Variants in RAP1GAP observed in about 807,000 individuals in gnomAD.
RAP1GAP encodes the protein rap1 GTPase-activating protein 1.
Under a neutral mutation model 87.2 loss-of-function variants are expected in RAP1GAP, and 35 were observed. The ratio of observed to expected loss-of-function variants is 0.40; its 90% CI spans 0.31 to 0.53. The LOEUF (loss-of-function observed/expected upper bound fraction) is 0.53. Among genes scored for constraint, RAP1GAP ranks in the 20% least tolerant of loss-of-function variants. The probability of loss-of-function intolerance (pLI) is 0.48; values close to 1 mark genes in which losing one functional copy is unlikely to be tolerated. For missense variants in RAP1GAP, 734 were observed against 898.9 expected (o/e 0.82, Z 2.35); for synonymous variants, 375 against 363.9 (o/e 1.03, Z -0.35).
At position 21,598,013 on chromosome 1, in the gene RAP1GAP, C is replaced by G. The variant is rs1396338880; in HGVS notation, c.1931G>C (p.Cys644Ser). ...PDAGKLGDPACPEIKIQLEAS... is the reference protein window; with the variant it reads ...PDAGKLGDPASPEIKIQLEAS... Reference sequence around the variant, plus strand: ...TTCCAGCTGGATCTTGATCTCGGGACACGCAGGGTCCCCCAACTTGCCGGC... The same window carrying G: ...TTCCAGCTGGATCTTGATCTCGGGAGACGCAGGGTCCCCCAACTTGCCGGC... The change falls in exon 23 of 25, where the codon TGT (cysteine) becomes TCT (serine). Residue 644 changes from cysteine (C) to serine (S), a missense_variant. By Grantham distance (112) the Cys-to-Ser change is moderately radical (BLOSUM62 -1). Around this residue, in one of 2 missense-constraint regions of RAP1GAP, gnomAD observed 249 missense variants for 252.7 expected, o/e 0.99. Transcript: ENST00000374765. 6.3e-7 allele frequency: 1 copy of G among 1,583,518 alleles called. No homozygotes were observed.
chr1:21,643,536 G>A (rs1181220211), intron 2 of RAP1GAP, among the ~76,000 whole-genome samples: 7 of 135,764 alleles, frequency 5.2e-5, no homozygotes, highest in Non-Finnish European at 7.6e-5. Context: ...CAGCCTGGGC[G>A]AGACAGCAAG....
rs1170980294 is a variant in RAP1GAP, at chr1:21,597,033, A to C, written c.*266T>G. ...CAGACCCCCAGTCCTGCTTCCACTG[A>C]GCAATCCCTGCCCCAGCCCAGACCC... On this transcript the variant is annotated 3_prime_UTR_variant, in exon 25 of 25. Transcript: ENST00000374765. The C allele has an allele frequency of 6.6e-6, 1 of 152,368 alleles. No individual in the cohort carries two copies. Among genetic ancestry groups the C allele is most frequent in the Non-Finnish European group, 1.5e-5 (1 of 68,260 alleles). The allele number at this position is 152,368 out of a possible 1,614,324, so 9.4% of individuals were successfully genotyped here. A position where few individuals can be genotyped will look rare whatever the true frequency, so the allele number is the denominator to read the frequency against.
intron 2 of RAP1GAP, among the ~76,000 whole-genome samples, chr1:21,648,579 A>G (rs1571306655): frequency 2.0e-5 from 3 of 152,340 alleles, no homozygotes; most frequent in South Asian, 4.1e-4. Context: ...CGTCTACTAC[A>G]GTACCCAGTG....
rs568897521 is a variant in RAP1GAP at position 21,644,789 on chromosome 1, CTACTCAGGAGG to C, written c.-113+4961_-113+4971del. ...TGGTGGCAGGCGCCTGTAATCCCAG[CTACTCAGGAGG>C]CTGAGGCAGAGAATTGCTTGAACCA... On this transcript the variant is annotated intron_variant, in intron 2 of 24. Coordinates refer to ENST00000374765, the MANE Select transcript of RAP1GAP (RefSeq NM_002885.4). Among the ~76,000 whole-genome samples the C allele has an allele frequency of 2.8e-3, 429 of 151,546 alleles. 1 individual carries two copies. The highest frequency in any genetic ancestry group is 0.01 in the Middle Eastern group (3 of 292).
chr1:21,636,731 C>T (rs2094729051), intron 2 of RAP1GAP, among the ~76,000 whole-genome samples: 1 of 151,662 alleles, frequency 6.6e-6, no homozygotes, highest in African/African-American at 2.4e-5. Context: ...CACTTGAACC[C>T]GGGAGATGGA....
intron 20 of RAP1GAP, among the ~76,000 whole-genome samples, chr1:21,600,518 C>T (rs2067261674): frequency 6.6e-6 from 1 of 152,152 alleles, no homozygotes; most frequent in Non-Finnish European, 1.5e-5. Flanking sequence ...GTACAGCAAC[C>T]GAAGTCAGCT....
intron 2 of RAP1GAP, among the ~76,000 whole-genome samples, chr1:21,626,642 G>A (rs571093151): frequency 6.6e-6 from 1 of 152,266 alleles, no homozygotes; most frequent in Middle Eastern, 3.4e-3. Context: ...TAGGCCTCCA[G>A]CCAAGCAGTG....
At chr1:21,612,936 C>T (rs2079322067) in intron 10 of RAP1GAP, 1 of 567,006 alleles carries the variant, frequency 1.8e-6, no homozygotes, top group Non-Finnish European at 3.2e-6. Flanking sequence ...TGAGGCCAGC[C>T]TCTAAGGCAG....
At chr1:21,599,683 C>T (rs1193846692) in intron 20 of RAP1GAP, 66 bp from the exon 21 acceptor site, 3 of 1,549,670 alleles carry the variant, frequency 1.9e-6, no homozygotes, top group Admixed American at 1.8e-5. Context: ...GGCCCTCACT[C>T]CCTTGCCCTC....
At chr1:21,619,946 C>T (rs1056747667) in intron 4 of RAP1GAP, 69 bp downstream of exon 4, 6 of 1,533,980 alleles carry the variant, frequency 3.9e-6, no homozygotes, top group Non-Finnish European at 5.4e-6. Flanking sequence ...GGAGATGCAG[C>T]AAGGGCCCCC....
At chr1:21,608,608 C>G (rs1414769744) in intron 16 of RAP1GAP, among the ~76,000 whole-genome samples, 2 of 151,234 alleles carry the variant, frequency 1.3e-5, no homozygotes, top group Admixed American at 1.3e-4. Context: ...TCCACCCCCC[C>G]ACCTGACAGG....
At chr1:21,648,900 G>A (rs575156385) in intron 2 of RAP1GAP, among the ~76,000 whole-genome samples, 9 of 152,302 alleles carry the variant, frequency 5.9e-5, no homozygotes, top group African/African-American at 2.2e-4. Context: ...TCCCAGGAGG[G>A]CTCTGCGGGG....
chr1:21,665,680 T>C (rs144250290), intron 1 of RAP1GAP, among the ~76,000 whole-genome samples: 1 of 152,312 alleles, frequency 6.6e-6, no homozygotes, highest in African/African-American at 2.4e-5. Context: ...TAGCCCTAAA[T>C]ATAGAGCACA....
Position 21,660,345 on chromosome 1 carries a change from A to ATATATATATATATATATATATTTATT in RAP1GAP, c.-149+8908_-149+8909insAATAAATATATATATATATATATATA. 5.3e-4 allele frequency among the ~76,000 whole-genome samples: 49 copies of ATATATATATATATATATATATTTATT among 92,632 alleles called. 7 individuals are homozygous for ATATATATATATATATATATATTTATT. In the Middle Eastern group the frequency reaches 0.021, roughly 39 times the overall value. 60.8% of individuals were successfully genotyped at this position (92,632 alleles called of 152,430 possible). A position where few individuals can be genotyped will look rare whatever the true frequency, so the allele number is the denominator to read the frequency against. On this transcript the variant is annotated intron_variant, in intron 1 of 24. Coordinates refer to ENST00000374765, the MANE Select transcript of RAP1GAP (RefSeq NM_002885.4). Reference sequence around the variant, plus strand: ...AGAGTGGGTTCCAACTCAGCTATATATATTTATTGAGACAGTCTCGCTCTG... The same window carrying ATATATATATATATATATATATTTATT: ...AGAGTGGGTTCCAACTCAGCTATATATATATATATATATATATATATTTATTTATTTATTGAGACAGTCTCGCTCTG...
At position 21,603,090 on chromosome 1, in the gene RAP1GAP, C is replaced by A. The variant is rs1474518478; in HGVS notation, c.1429-177G>T. ...TCCCAGTTTACGAAAGGGAAACAGT[C>A]CCCAGGAGGGCAAGGGGCTCTCCCG... On this transcript the variant is annotated intron_variant, in intron 18 of 24. Transcript: ENST00000374765. This position sits in a 1 kb window ranked among gnomAD's most constrained non-coding sequence, Gnocchi z 6.0. 5.1e-6 allele frequency: 3 copies of A among 584,414 alleles called. No individual in the cohort carries two copies. The highest frequency in any genetic ancestry group is 6.1e-6 in the Non-Finnish European group (2 of 328,298). The allele number at this position is 584,414 out of a possible 1,614,324, so 36.2% of individuals were successfully genotyped here. A position where few individuals can be genotyped will look rare whatever the true frequency, so the allele number is the denominator to read the frequency against.
chr1:21,612,014 A>C lies in RAP1GAP; in HGVS notation c.612+12T>G. On this transcript the variant is annotated intron_variant, in intron 11 of 24. Transcript: ENST00000374765. ...CAGGTGGGGAGGGGCGGCAGGGAGG[A>C]GGTGAGCACACCTGCCCAAGCTTCT... 1 of 1,537,076 alleles carries C rather than the reference A, an allele frequency of 6.5e-7. No individual in the cohort carries two copies. Among genetic ancestry groups the C allele is most frequent in the South Asian group, 1.2e-5 (1 of 84,398 alleles).
At chr1:21,620,530 G>C (rs2086296216) in intron 3 of RAP1GAP, among the ~76,000 whole-genome samples, 1 of 111,142 alleles carries the variant, frequency 9.0e-6, no homozygotes, top group South Asian at 3.5e-4. Flanking sequence ...GAGGACACTG[G>C]GATGCCCAGC....
chr1:21,653,572 C>CTTCT (rs2096724236), intron 1 of RAP1GAP, among the ~76,000 whole-genome samples: 1 of 130,988 alleles, frequency 7.6e-6, no homozygotes, highest in Non-Finnish European at 1.7e-5. Flanking sequence ...TCCTTCCTTC[C>CTTCT]TTCCTTCCTT....
At chr1:21,602,171 G>A (rs975703145) in intron 19 of RAP1GAP, among the ~76,000 whole-genome samples, 58 of 152,356 alleles carry the variant, frequency 3.8e-4, no homozygotes, top group African/African-American at 1.4e-3. Flanking sequence ...GCCCACTCCC[G>A]TCCTGGAGCC....
Sources: gnomAD v4.1 joint callset for allele counts (sites outside exome capture counted in the v4.1 genomes callset) on GRCh38, gnomAD v4.1.1 for gene constraint, gnomAD v4.1.1 regional missense constraint, Gnocchi (gnomAD v3.1) non-coding constraint, MANE v1.5 for transcripts, NCBI Gene and HGNC (gene_info 2026-07-23, HGNC 2026-07-21) for gene names.